PPP2R5C: variants seen among roughly 807,000 people sequenced by gnomAD.
The protein encoded by PPP2R5C is serine/threonine-protein phosphatase 2A 56 kDa regulatory subunit gamma isoform.
PPP2R5C carries 7 observed loss-of-function variants against 68.9 expected under a neutral mutation model. The ratio of observed to expected loss-of-function variants is 0.10; its 90% CI spans 0.06 to 0.19. The LOEUF is 0.19. Ranked by LOEUF, PPP2R5C falls within the 10% of genes least tolerant of loss-of-function variation. PPP2R5C has a pLI of 1.00. For synonymous variants in PPP2R5C, 210 were observed against 222.2 expected (o/e 0.95, Z 0.49); for missense variants, 348 against 641.3 (o/e 0.54, Z 4.94).
intron 2 of PPP2R5C, among the ~76,000 whole-genome samples, chr14:101,876,836 C>T (rs1741140): frequency 0.1 from 15,191 of 151,520 alleles, 861 homozygotes; most frequent in South Asian, 0.13. Context: ...CTGTGTAATG[C>T]TAACTGTTCG....
chr14:101,840,391 G>A (rs942232831), intron 1 of PPP2R5C, among the ~76,000 whole-genome samples: 17 of 146,966 alleles, frequency 1.2e-4, no homozygotes, highest in Admixed American at 8.4e-4. Context: ...ATAGCAGCCA[G>A]CGTCTCTTGC....
chr14:101,842,428 C>T (rs1007342439), intron 1 of PPP2R5C, among the ~76,000 whole-genome samples: 1 of 152,168 alleles, frequency 6.6e-6, no homozygotes, highest in Non-Finnish European at 1.5e-5. Flanking sequence ...GCCTGGTGAG[C>T]GGCCACTGGA....
chr14:101,828,579 T>C (rs2040543703), intron 1 of PPP2R5C, among the ~76,000 whole-genome samples: 1 of 152,078 alleles, frequency 6.6e-6, no homozygotes, highest in African/African-American at 2.4e-5. Flanking sequence ...TTTCTGTTTC[T>C]AAGTATGATC....
chr14:101,776,925 G>A (rs1595131214), intron 2 of PPP2R5C, among the ~76,000 whole-genome samples: 1 of 147,608 alleles, frequency 6.8e-6, no homozygotes, highest in African/African-American at 2.5e-5. Flanking sequence ...CTGTCGCCCA[G>A]GCTGGAGTGC....
At chr14:101,773,673 T>A (rs542520551) in intron 2 of PPP2R5C, among the ~76,000 whole-genome samples, 46 of 152,190 alleles carry the variant, frequency 3.0e-4, no homozygotes, top group South Asian at 1.0e-3. Flanking sequence ...GTTTTGGGAT[T>A]TTGGCAGGGA....
Position 101,877,928 on chromosome 14 carries a change from T to C in PPP2R5C, c.295-4233T>C, listed in dbSNP as rs1200778138. On this transcript the variant is annotated intron_variant, in intron 2 of 13. Transcript: ENST00000334743. This position sits in a 1 kb window ranked among gnomAD's most constrained non-coding sequence, Gnocchi z 4.2. ...TCATCAGTCAAGGACGCTGTATCAG[T>C]CTGCTCAGGCTGCCGTAAGAAAATA... 1.3e-5 allele frequency among the ~76,000 whole-genome samples: 2 copies of C among 152,228 alleles called. No homozygotes were observed. Among genetic ancestry groups the C allele is most frequent in the African/African-American group, 4.8e-5 (2 of 41,466 alleles).
At chr14:101,760,730 A>G (rs1595370543), upstream of PPP2R5C, 1 of 351,974 alleles carries the variant, frequency 2.8e-6, no homozygotes, top group Non-Finnish European at 3.2e-6. Context: ...TGAGCTGGTG[A>G]GGGGAGGGGC....
Position 101,899,634 on chromosome 14 carries a change from T to G in PPP2R5C, c.853-2085T>G, listed in dbSNP as rs74491386. Among the ~76,000 whole-genome samples, 1,664 of 152,354 alleles carry G rather than the reference T, an allele frequency of 0.011. 7 individuals carry two copies. Among genetic ancestry groups the G allele is most frequent in the Middle Eastern group, 0.034 (10 of 294 alleles). ...CGGTTGTGTTGTATAGTTCACAAAT[T>G]AACATATTTCTCCTAATAAAATTCC... On this transcript the variant is annotated intron_variant, in intron 8 of 13. Transcript: ENST00000334743. This position sits in a 1 kb window ranked among gnomAD's most constrained non-coding sequence, Gnocchi z 4.2.
intron 12 of PPP2R5C, chr14:101,912,684 T>C (rs1260608149): frequency 2.8e-6 from 3 of 1,068,446 alleles, no homozygotes; most frequent in Non-Finnish European, 3.6e-6. Context: ...GAATTGACTT[T>C]TTTCCTCTGC....
chr14:101,761,711 C>T (rs2036545249), upstream of PPP2R5C: 3 of 650,168 alleles, frequency 4.6e-6, no homozygotes, highest in Non-Finnish European at 5.7e-6. Flanking sequence ...CCGCCGCCGC[C>T]GCCGTGGCTG....
chr14:101,812,681 G>C (rs994914864), intron 1 of PPP2R5C, among the ~76,000 whole-genome samples: 1 of 152,140 alleles, frequency 6.6e-6, no homozygotes, highest in African/African-American at 2.4e-5. Context: ...TTGTATAACA[G>C]TTTTGTACCT....
chr14:101,882,595 T>C lies in PPP2R5C; in HGVS notation c.405+324T>C. Reference sequence around the variant, plus strand: ...CCCAGTTTTTGCTCCTCATATTTAATAGGTGCCTGCTGGGCCCCCAGGTCC... The same window carrying C: ...CCCAGTTTTTGCTCCTCATATTTAACAGGTGCCTGCTGGGCCCCCAGGTCC... On this transcript the variant is annotated intron_variant, in intron 3 of 13. Coordinates refer to ENST00000334743, the Ensembl canonical transcript of PPP2R5C. The surrounding 1 kb of genome is among the most constrained non-coding windows in gnomAD (Gnocchi z 4.9). 4.9e-6 allele frequency: 1 copy of C among 205,918 alleles called. No homozygotes were observed. The highest frequency in any genetic ancestry group is 9.7e-6 in the Non-Finnish European group (1 of 103,138). 12.8% of individuals were successfully genotyped at this position (205,918 alleles called of 1,614,324 possible).
At chr14:101,765,258 G>A (rs1162614839) in intron 2 of PPP2R5C, 7 of 702,614 alleles carry the variant, frequency 1.0e-5, no homozygotes, top group Non-Finnish European at 1.8e-5. Flanking sequence ...GAGGCAACCT[G>A]GCATATTAAG....
intron 9 of PPP2R5C, among the ~76,000 whole-genome samples, chr14:101,904,057 A>G (rs1281258275): frequency 2.0e-5 from 3 of 152,248 alleles, no homozygotes; most frequent in African/African-American, 7.2e-5. Context: ...TAAACCATCA[A>G]GCATCTTAAG....
chr14:101,889,765 T>C (rs2044740437), intron 5 of PPP2R5C: 5 of 347,686 alleles, frequency 1.4e-5, no homozygotes, highest in South Asian at 8.9e-5. Flanking sequence ...GAATCACTTC[T>C]ACCCTTTGCA....
intron 1 of PPP2R5C, among the ~76,000 whole-genome samples, chr14:101,828,486 A>C (rs549908351): frequency 3.0e-4 from 45 of 152,246 alleles, no homozygotes; most frequent in Middle Eastern, 3.4e-3. Flanking sequence ...TCGTATTCAG[A>C]GGATATACAT....
chr14:101,876,930 AG>A (rs946278042), intron 2 of PPP2R5C, among the ~76,000 whole-genome samples: 4 of 150,094 alleles, frequency 2.7e-5, no homozygotes, highest in African/African-American at 9.8e-5. Flanking sequence ...AAATAAAAAA[AG>A]GATTTACGCT....
chr14:101,781,974 G>GCC lies in PPP2R5C; in HGVS notation c.94-4042_94-4041dup, dbSNP rs2037723679. On this transcript the variant is annotated intron_variant, in intron 2 of 14. Transcript: ENST00000328724. The surrounding 1 kb of genome is among the most constrained non-coding windows in gnomAD (Gnocchi z 6.4). Reference sequence around the variant, plus strand: ...GCAGCTGCTCCCAAGGGAGCCCCTCGCCCTCTCTCTCTCCTTCCCTCATTC... The same window carrying GCC: ...GCAGCTGCTCCCAAGGGAGCCCCTCGCCCCCTCTCTCTCTCCTTCCCTCATTC... Among the ~76,000 whole-genome samples, 1 of 150,862 alleles carries GCC rather than the reference G, an allele frequency of 6.6e-6. No homozygotes were observed. The highest frequency in any genetic ancestry group is 6.6e-5 in the Admixed American group (1 of 15,190).
upstream of PPP2R5C, among the ~76,000 whole-genome samples, chr14:101,761,046 CGGAGG>C (rs1226925276): frequency 5.6e-5 from 3 of 53,274 alleles, no homozygotes; most frequent in Non-Finnish European, 1.1e-4. Context: ...GGGGAGGGGA[CGGAGG>C]GGAGGGGAGT....
Sources: gnomAD v4.1 joint callset for allele counts (sites outside exome capture counted in the v4.1 genomes callset) on GRCh38, gnomAD v4.1.1 for gene constraint, Gnocchi (gnomAD v3.1) non-coding constraint, MANE v1.5 for transcripts, NCBI Gene and HGNC (gene_info 2026-07-23, HGNC 2026-07-21) for gene names.